The following C8orf89 variants were observed in gnomAD, a reference collection of about 807,000 sequenced individuals.
C8orf89 encodes the protein putative uncharacterized protein C8orf89.
C8orf89 carries 14 observed loss-of-function variants against 15.8 expected under a neutral mutation model. The observed-to-expected ratio is 0.89, with a 90% CI of 0.59 to 1.39. C8orf89 has a LOEUF of 1.39. Among genes scored for constraint, C8orf89 ranks in the 40% most tolerant of loss-of-function variants. The probability of loss-of-function intolerance (pLI) is 0.00; values close to 1 mark genes in which losing one functional copy is unlikely to be tolerated. For missense variants in C8orf89, 181 were observed against 184.5 expected, an observed-to-expected ratio of 0.98 and a Z score of 0.11; for synonymous variants, 55 against 62.2, an observed-to-expected ratio of 0.88 and a Z score of 0.54.
intron 2 of C8orf89, among the ~76,000 whole-genome samples, chr8:73,250,581 C>T (rs1247346781): frequency 1.3e-5 from 2 of 152,078 alleles, no homozygotes; most frequent in Non-Finnish European, 2.9e-5. Flanking sequence ...TCAAGCAATG[C>T]TAAGTGGGAG....
chr8:73,267,097 G>A, the C8orf89 span, among the ~76,000 whole-genome samples: 120 of 152,130 alleles, frequency 7.9e-4, no homozygotes, highest in African/African-American at 2.7e-3. Flanking sequence ...GTAAATATAC[G>A]GTAATCCCCC....
the C8orf89 span, among the ~76,000 whole-genome samples, chr8:73,269,827 C>T: frequency 1.3e-5 from 2 of 152,208 alleles, no homozygotes; most frequent in Non-Finnish European, 2.9e-5. Flanking sequence ...AAAATCAGCA[C>T]TACTCAGCAC....
intron 2 of C8orf89, among the ~76,000 whole-genome samples, chr8:73,255,106 A>T (rs559521980): frequency 0.042 from 6,357 of 152,088 alleles, 146 homozygotes; most frequent in African/African-American, 0.066. Context: ...ACAAAAGCCA[A>T]AATTGACAAA....
At chr8:73,254,825 C>T (rs1358939880) in intron 2 of C8orf89, among the ~76,000 whole-genome samples, 2 of 152,294 alleles carry the variant, frequency 1.3e-5, no homozygotes, top group East Asian at 3.9e-4. Flanking sequence ...ATATCTACAA[C>T]TATCTGATCT....
intron 3 of C8orf89, among the ~76,000 whole-genome samples, chr8:73,247,307 A>G (rs111887700): frequency 0.13 from 19,562 of 152,046 alleles, 1,405 homozygotes; most frequent in African/African-American, 0.2. Context: ...ATTCCATGGT[A>G]TATGTGTACC....
At chr8:73,249,164 A>C (rs1813192833) in intron 3 of C8orf89, among the ~76,000 whole-genome samples, 1 of 152,188 alleles carries the variant, frequency 6.6e-6, no homozygotes, top group South Asian at 2.1e-4. Flanking sequence ...TCTTTTCTGC[A>C]TCTGTTGAGA....
chr8:73,281,096 C>A, the C8orf89 span, among the ~76,000 whole-genome samples: 3 of 152,134 alleles, frequency 2.0e-5, no homozygotes, highest in African/African-American at 7.2e-5. Flanking sequence ...TTTGACCCAG[C>A]AATTCTACTT....
the C8orf89 span, chr8:73,277,492 A>C: frequency 1.2e-6 from 1 of 836,376 alleles, no homozygotes; most frequent in East Asian, 2.4e-5. Flanking sequence ...TCCTGATGCC[A>C]CCACGAAAAC....
chr8:73,268,973 T>C, the C8orf89 span, among the ~76,000 whole-genome samples: 1 of 152,220 alleles, frequency 6.6e-6, no homozygotes, highest in Non-Finnish European at 1.5e-5. Flanking sequence ...AAGGTCACTT[T>C]CCAGAAGTCA....
At chr8:73,265,944 A>T in the C8orf89 span, among the ~76,000 whole-genome samples, 1 of 152,132 alleles carries the variant, frequency 6.6e-6, no homozygotes, top group Non-Finnish European at 1.5e-5. Flanking sequence ...TGTTCGTTTT[A>T]TCTCTTACAT....
chr8:73,259,366 C>T lies in C8orf89; in HGVS notation c.93G>A (p.Lys31=). 6.6e-7 allele frequency: 1 copy of T among 1,522,584 alleles called. No individual in the cohort carries two copies. The highest frequency in any genetic ancestry group is 2.0e-5 in the Admixed American group (1 of 50,662). 94.3% of individuals were successfully genotyped at this position (1,522,584 alleles called of 1,614,324 possible). ...GSCLIFESSW[K]KAVLETQKIK... ...TCTTTTGTGTTTCTAAAACTGCTTT[C>T]TTCCAACTACTCTCAAAAATCAAAC... Residue 31 remains lysine, a synonymous_variant, in exon 1 of 4, where the codon AAG becomes AAA. Coordinates refer to ENST00000624510, the MANE Select transcript of C8orf89 (RefSeq NM_001243237.3).
intron 2 of C8orf89, among the ~76,000 whole-genome samples, chr8:73,251,568 G>C (rs1813249426): frequency 6.6e-6 from 1 of 152,116 alleles, no homozygotes; most frequent in Admixed American, 6.5e-5. Flanking sequence ...ATAAAATATA[G>C]TCAATTATCC....
At chr8:73,261,073 C>T (rs1020108314), upstream of C8orf89, among the ~76,000 whole-genome samples, 6 of 152,130 alleles carry the variant, frequency 3.9e-5, no homozygotes, top group East Asian at 5.8e-4. Flanking sequence ...CAGGGGCTCT[C>T]GGTACTGTCA....
chr8:73,273,230 C>T, the C8orf89 span, among the ~76,000 whole-genome samples: 3 of 152,296 alleles, frequency 2.0e-5, no homozygotes, highest in Middle Eastern at 0.01. Context: ...TCCCATGTTC[C>T]TGGGCACAGC....
At chr8:73,257,261 C>T in intron 1 of C8orf89, 135 bp from the exon 2 acceptor site, 1 of 590,042 alleles carries the variant, frequency 1.7e-6, no homozygotes, top group Non-Finnish European at 2.8e-6. Context: ...TAGCATCTTT[C>T]CCAAGAGAAT....
Position 73,250,310 on chromosome 8 carries a change from T to C in C8orf89, c.295A>G (p.Lys99Glu). The C allele has an allele frequency of 2.0e-6, 3 of 1,528,122 alleles. No homozygotes were observed. The highest frequency in any genetic ancestry group is 2.6e-6 in the Non-Finnish European group (3 of 1,140,254). The allele number at this position is 1,528,122 out of a possible 1,614,324, so 94.7% of individuals were successfully genotyped here. A position where few individuals can be genotyped will look rare whatever the true frequency, so the allele number is the denominator to read the frequency against. ...EVSAVRLKKT[K>E]ETCSVAPLWE... is the part of the protein sequence containing the mutation. ...AGTGGTGCCACACTGCATGTCTCCT[T>C]AGTCTTCTTTAGCCTGAATATTATA... The change falls in exon 3 of 4, where the codon AAG becomes GAG. Residue 99 changes from lysine (K) to glutamate (E), a missense_variant. Lys to Glu is a moderately conservative substitution (Grantham distance 56, BLOSUM62 1). Coordinates refer to ENST00000624510, the MANE Select transcript of C8orf89 (RefSeq NM_001243237.3).
chr8:73,251,327 C>G (rs1328247480), intron 2 of C8orf89, among the ~76,000 whole-genome samples: 2 of 152,194 alleles, frequency 1.3e-5, no homozygotes, highest in Non-Finnish European at 2.9e-5. Flanking sequence ...ATGAGTACTT[C>G]TCTGCTTTGC....
chr8:73,280,403 C>T, the C8orf89 span, among the ~76,000 whole-genome samples: 1 of 152,214 alleles, frequency 6.6e-6, no homozygotes, highest in Non-Finnish European at 1.5e-5. Context: ...CGGAGTCTCA[C>T]TCTGTTGCCC....
intron 1 of C8orf89, 117 bp from the exon 2 acceptor site, chr8:73,257,243 C>G: frequency 3.1e-6 from 2 of 642,894 alleles, no homozygotes; most frequent in Non-Finnish European, 5.0e-6. Flanking sequence ...AATTAAGCAA[C>G]TGTAATTTAG....
Sources: allele counts gnomAD v4.1 joint callset (sites outside exome capture counted in the v4.1 genomes callset), GRCh38; gene constraint gnomAD v4.1.1; transcripts MANE v1.5; gene names NCBI Gene and HGNC (gene_info 2026-07-23, HGNC 2026-07-21).